Variants in DNAH5 observed in about 807,000 individuals in gnomAD.
DNAH5 encodes the protein axonemal beta dynein heavy chain 5.
Under a neutral mutation model 518.2 loss-of-function variants are expected in DNAH5, and 372 were observed. The ratio of observed to expected loss-of-function variants is 0.72; its 90% CI spans 0.66 to 0.78. The LOEUF is 0.78. DNAH5 is among the 30% of genes least tolerant of loss of function. DNAH5 has a pLI of 0.00. For missense variants in DNAH5, 5,523 were observed against 5,687.0 expected (o/e 0.97, Z 0.93); for synonymous variants, 2,039 against 2,025.9 (o/e 1.01, Z -0.17).
At chr5:13,804,951 C>T (rs1488924266) in intron 47 of DNAH5, among the ~76,000 whole-genome samples, 2 of 152,096 alleles carry the variant, frequency 1.3e-5, no homozygotes, top group Non-Finnish European at 2.9e-5. Flanking sequence ...AGATAAATGT[C>T]ACAGAGTTGG....
intron 61 of DNAH5, among the ~76,000 whole-genome samples, chr5:13,755,364 A>G (rs1159132521): frequency 3.9e-5 from 6 of 152,226 alleles, no homozygotes; most frequent in Non-Finnish European, 7.3e-5. Context: ...AAAATCCTAT[A>G]AAAATTTTTA....
Position 13,695,927 on chromosome 5 carries a change from A to G in DNAH5, c.13724-3792T>C, listed in dbSNP as rs142004459. Reference sequence around the variant, plus strand: ...ACGCATGGACCTTTTCACTAAAACAATTTCCCAGACTCATGTTTCCCATGA... The same window carrying G: ...ACGCATGGACCTTTTCACTAAAACAGTTTCCCAGACTCATGTTTCCCATGA... On this transcript the variant is annotated intron_variant, in intron 78 of 78. Transcript: ENST00000265104. Among the ~76,000 whole-genome samples the G allele has an allele frequency of 4.6e-3, 700 of 152,136 alleles. 1 individual carries two copies. The highest frequency in any genetic ancestry group is 7.1e-3 in the Non-Finnish European group (485 of 67,980).
At chr5:13,764,368 A>G (rs1752218162) in intron 59 of DNAH5, among the ~76,000 whole-genome samples, 1 of 152,150 alleles carries the variant, frequency 6.6e-6, no homozygotes, top group African/African-American at 2.4e-5. Context: ...TAAATGACAA[A>G]TTAGTCATAT....
rs1753232946 is a variant in DNAH5, at chr5:13,770,796, C to A, written c.9558G>T (p.Lys3186Asn). Residue 3186 changes from lysine (K) to asparagine (N), a missense_variant, in exon 56 of 79, where the codon AAG becomes AAT. Transcript: ENST00000265104. ...CCACATGCTTTTCTCCATATATGAA[C>A]TTATAGCCCTGAATAAAGGAGAGGT... is the stretch of plus-strand genomic sequence containing the variant. Reference protein sequence around the residue: ...KSYLSFIQGYKFIYGEKHVEV... With the variant: ...KSYLSFIQGYNFIYGEKHVEV... The A allele has an allele frequency of 6.2e-7, 1 of 1,614,052 alleles. No homozygotes were observed. Among genetic ancestry groups the A allele is most frequent in the Non-Finnish European group, 8.5e-7 (1 of 1,179,974 alleles).
At chr5:13,801,487 C>G (rs765350884) in intron 47 of DNAH5, among the ~76,000 whole-genome samples, 2 of 152,202 alleles carry the variant, frequency 1.3e-5, no homozygotes, top group Non-Finnish European at 1.5e-5. Context: ...CCCTACTCAA[C>G]CAATCACAAG....
Position 13,719,038 on chromosome 5 carries a change from T to C in DNAH5, c.12343A>G (p.Ile4115Val). ...TGTACAAGCTCAGTTTCTATGATTA[T>C]GTCCATCAGCTCATCCATGAAATCA... ...GLDFMDELMD[I>V]IIETELVHDA... The change falls in exon 72 of 79, where the codon ATA becomes GTA. Residue 4115 changes from isoleucine (I) to valine (V), a missense_variant. Around this residue, in one of 3 missense-constraint regions of DNAH5, gnomAD observed 5,121 missense variants for 5,223.3 expected, o/e 0.98. Transcript: ENST00000265104. 2 of 1,614,176 alleles carry C rather than the reference T, an allele frequency of 1.2e-6. No homozygotes were observed. The highest frequency in any genetic ancestry group is 2.2e-5 in the South Asian group (2 of 91,082).
intron 7 of DNAH5, among the ~76,000 whole-genome samples, chr5:13,917,777 C>A (rs1776802913): frequency 1.2e-4 from 19 of 152,188 alleles, no homozygotes; most frequent in Admixed American, 1.2e-3. Flanking sequence ...CAGTACATTC[C>A]ATTGACTTCA....
intron 53 of DNAH5, among the ~76,000 whole-genome samples, chr5:13,778,196 C>T (rs1449376692): frequency 2.0e-5 from 3 of 151,866 alleles, no homozygotes; most frequent in Non-Finnish European, 2.9e-5. Flanking sequence ...TAACCTACAC[C>T]CTAGAATTGG....
At chr5:13,946,419 G>A (rs182024463), upstream of DNAH5, among the ~76,000 whole-genome samples, 5 of 152,226 alleles carry the variant, frequency 3.3e-5, no homozygotes, top group South Asian at 2.1e-4. Context: ...CTTCTTGAGC[G>A]CTCAGGCTCA....
At chr5:13,977,814 T>C (rs1782377057) in intron 1 of DNAH5, among the ~76,000 whole-genome samples, 1 of 152,114 alleles carries the variant, frequency 6.6e-6, no homozygotes, top group South Asian at 2.1e-4. Flanking sequence ...GGAGGGTTCA[T>C]AAGAGTTGAA....
intron 1 of DNAH5, among the ~76,000 whole-genome samples, chr5:13,978,745 G>A (rs958930108): frequency 6.6e-6 from 1 of 152,124 alleles, no homozygotes; most frequent in Non-Finnish European, 1.5e-5. Flanking sequence ...GGATATGCAG[G>A]CTATAGCATC....
At position 13,753,320 on chromosome 5, in the gene DNAH5, C is replaced by G. The variant is rs144055129; in HGVS notation, c.10785G>C (p.Thr3595=). ...DLSIQNGIIV[T]KASRYPLLID... is the part of the protein sequence containing the mutation. ...TTAACAAAGGGTAACGAGATGCCTT[C>G]GTGACAATAATTCCATTTTGAATGG... Residue 3595 remains threonine (T), a synonymous_variant, in exon 63 of 79, where the codon ACG becomes ACC. Coordinates refer to ENST00000265104, the MANE Select transcript of DNAH5 (RefSeq NM_001369.3). 1 of 1,613,866 alleles carries G rather than the reference C, an allele frequency of 6.2e-7. No homozygotes were observed. The highest frequency in any genetic ancestry group is 8.5e-7 in the Non-Finnish European group (1 of 1,179,816).
intron 44 of DNAH5, among the ~76,000 whole-genome samples, chr5:13,811,235 T>C (rs74450962): frequency 0.024 from 3,671 of 152,242 alleles, 104 homozygotes; most frequent in African/African-American, 0.073. Flanking sequence ...AATGAGGTGA[T>C]AGATACCCCA....
intron 76 of DNAH5, among the ~76,000 whole-genome samples, chr5:13,702,323 A>C: frequency 6.6e-6 from 1 of 152,250 alleles, no homozygotes; most frequent in South Asian, 2.1e-4. Flanking sequence ...TTGAGATTCC[A>C]AAGTCTGATA....
intron 1 of DNAH5, among the ~76,000 whole-genome samples, chr5:13,999,509 A>G (rs942821483): frequency 3.3e-5 from 5 of 152,248 alleles, no homozygotes; most frequent in African/African-American, 1.2e-4. Context: ...AGGTTGTTGC[A>G]TATTACAGAA....
chr5:13,795,795 T>C (rs957455204), intron 47 of DNAH5, among the ~76,000 whole-genome samples: 1 of 151,962 alleles, frequency 6.6e-6, no homozygotes, highest in Non-Finnish European at 1.5e-5. Context: ...GATGCGAAAA[T>C]CCTCAATAAA....
chr5:13,994,336 G>C (rs1033612403), intron 1 of DNAH5, among the ~76,000 whole-genome samples: 1 of 152,156 alleles, frequency 6.6e-6, no homozygotes, highest in Admixed American at 6.6e-5. Context: ...TTGCCGCTGA[G>C]ATCATGAATT....
chr5:13,917,056 A>G, intron 8 of DNAH5, 87 bp downstream of exon 8: 1 of 1,039,728 alleles, frequency 9.6e-7, no homozygotes, highest in Non-Finnish European at 1.5e-6. Flanking sequence ...ATGAACTGTA[A>G]TATTGATGAA....
At chr5:13,970,300 A>T (rs963568459) in intron 1 of DNAH5, among the ~76,000 whole-genome samples, 2 of 152,084 alleles carry the variant, frequency 1.3e-5, no homozygotes, top group African/African-American at 4.8e-5. Context: ...TAGTATTGAG[A>T]AGTGAGGTAC....
Sources: allele counts gnomAD v4.1 joint callset (sites outside exome capture counted in the v4.1 genomes callset), GRCh38; gene constraint gnomAD v4.1.1; regional missense constraint gnomAD v4.1.1; transcripts MANE v1.5; gene names NCBI Gene and HGNC (gene_info 2026-07-23, HGNC 2026-07-21).